The following GRID2 variants were observed in gnomAD, a reference collection of about 807,000 sequenced individuals.
The protein encoded by GRID2 is glutamate ionotropic receptor delta type subunit 2.
A neutral mutation model predicts 114.8 loss-of-function variants in GRID2; 33 were observed. The ratio of observed to expected loss-of-function variants is 0.29; its 90% CI spans 0.22 to 0.38. GRID2 has a LOEUF of 0.38. GRID2 is among the 10% of genes least tolerant of loss of function. The probability of loss-of-function intolerance (pLI) is 1.00; values close to 1 mark genes in which losing one functional copy is unlikely to be tolerated. For synonymous variants in GRID2, 505 were observed against 449.9 expected (o/e 1.12, Z -1.55); for missense variants, 1,184 against 1,257.7 (o/e 0.94, Z 0.89).
chr4:92,347,029 T>C (rs1240179465), intron 1 of GRID2, among the ~76,000 whole-genome samples: 4 of 152,206 alleles, frequency 2.6e-5, no homozygotes, highest in South Asian at 4.1e-4. Flanking sequence ...TTCCTGCTTA[T>C]ATGGGGAAAA....
At chr4:92,728,043 CAG>C (rs1333362121) in intron 2 of GRID2, among the ~76,000 whole-genome samples, 12 of 151,954 alleles carry the variant, frequency 7.9e-5, no homozygotes, top group African/African-American at 2.9e-4. Flanking sequence ...GATTAAGAGA[CAG>C]GGGAGGGAAT....
chr4:93,232,904 A>G (rs182491213), intron 7 of GRID2, among the ~76,000 whole-genome samples: 1 of 152,266 alleles, frequency 6.6e-6, no homozygotes, highest in East Asian at 1.9e-4. Flanking sequence ...GTACCATAAG[A>G]TCAGAGAATA....
At chr4:92,727,232 A>G (rs1214782143) in intron 2 of GRID2, among the ~76,000 whole-genome samples, 1 of 152,108 alleles carries the variant, frequency 6.6e-6, no homozygotes, top group Non-Finnish European at 1.5e-5. Context: ...TTCGTATACA[A>G]TAAAAAGACT....
intron 1 of GRID2, among the ~76,000 whole-genome samples, chr4:92,461,020 T>C (rs1469662700): frequency 6.6e-6 from 1 of 151,738 alleles, no homozygotes; most frequent in Non-Finnish European, 1.5e-5. Context: ...CACATATTTA[T>C]TTTTCCATAA....
chr4:92,516,925 A>G (rs1724529696), intron 1 of GRID2, among the ~76,000 whole-genome samples: 1 of 151,978 alleles, frequency 6.6e-6, no homozygotes, highest in South Asian at 2.1e-4. Context: ...ATTTATAAAA[A>G]TATAATCATA....
chr4:92,569,725 G>A (rs564920127), intron 1 of GRID2, among the ~76,000 whole-genome samples: 1 of 151,992 alleles, frequency 6.6e-6, no homozygotes, highest in South Asian at 2.1e-4. Flanking sequence ...TAATCAGTGG[G>A]GTTGATCTTT....
chr4:92,921,455 G>A (rs1467121052), intron 2 of GRID2, among the ~76,000 whole-genome samples: 1 of 151,560 alleles, frequency 6.6e-6, no homozygotes, highest in Non-Finnish European at 1.5e-5. Context: ...TTTTTCTGCT[G>A]TTTTTTCCTC....
At chr4:92,553,616 A>G (rs765316190) in intron 1 of GRID2, among the ~76,000 whole-genome samples, 2 of 152,042 alleles carry the variant, frequency 1.3e-5, no homozygotes, top group Non-Finnish European at 2.9e-5. Context: ...ATTATTAATG[A>G]CATACCTCCC....
chr4:93,322,424 A>G (rs916519132), intron 8 of GRID2, among the ~76,000 whole-genome samples: 36 of 151,952 alleles, frequency 2.4e-4, no homozygotes, highest in African/African-American at 8.0e-4. Context: ...TATGTGCCAC[A>G]TTTTCTTAAT....
intron 2 of GRID2, among the ~76,000 whole-genome samples, chr4:92,628,794 A>G (rs1730650625): frequency 6.6e-6 from 1 of 152,084 alleles, no homozygotes; most frequent in African/African-American, 2.4e-5. Flanking sequence ...TGTTCCTCCC[A>G]TTGAAGGCAT....
chr4:92,695,451 T>C (rs1734383333), intron 2 of GRID2, among the ~76,000 whole-genome samples: 1 of 152,072 alleles, frequency 6.6e-6, no homozygotes, highest in Non-Finnish European at 1.5e-5. Context: ...AGAATGAAAA[T>C]GAAAGAAATT....
chr4:93,225,881 C>T (rs781160170), intron 7 of GRID2, among the ~76,000 whole-genome samples: 3 of 152,118 alleles, frequency 2.0e-5, no homozygotes, highest in Non-Finnish European at 2.9e-5. Flanking sequence ...ATGGCACCCA[C>T]ATCTGGAGAG....
intron 2 of GRID2, among the ~76,000 whole-genome samples, chr4:92,924,140 A>C (rs527903540): frequency 3.3e-5 from 5 of 152,306 alleles, no homozygotes; most frequent in Admixed American, 2.6e-4. Flanking sequence ...TCAGCAAACT[A>C]TCACAAGGAC....
chr4:93,130,659 C>T (rs1012454046), intron 4 of GRID2, among the ~76,000 whole-genome samples: 1 of 152,088 alleles, frequency 6.6e-6, no homozygotes, highest in Admixed American at 6.5e-5. Context: ...AAATCTATCA[C>T]CAGTATTCCC....
intron 10 of GRID2, among the ~76,000 whole-genome samples, chr4:93,448,725 A>T (rs1482962802): frequency 6.6e-6 from 1 of 151,788 alleles, no homozygotes; most frequent in Non-Finnish European, 1.5e-5. Flanking sequence ...TAGTGGTAAT[A>T]AAAATACTAT....
At chr4:93,267,164 TTC>T (rs1389512224) in intron 8 of GRID2, among the ~76,000 whole-genome samples, 5 of 147,128 alleles carry the variant, frequency 3.4e-5, no homozygotes, top group Non-Finnish European at 7.4e-5. Flanking sequence ...GTACACACAT[TTC>T]TTTTTTTTTT....
intron 14 of GRID2, among the ~76,000 whole-genome samples, chr4:93,752,522 C>T (rs543968919): frequency 1.3e-5 from 2 of 152,278 alleles, no homozygotes; most frequent in South Asian, 4.2e-4. Flanking sequence ...AGGCACCTGC[C>T]ACCACGCCCG....
In GRID2 at chr4:93,408,357, C is replaced by T. The variant is rs191630704; in HGVS notation, c.1347+12649C>T. Among the ~76,000 whole-genome samples the T allele has an allele frequency of 7.9e-4, 111 of 141,264 alleles. No homozygotes were observed. In the Middle Eastern group the frequency reaches 0.011, roughly 14 times the overall value. The allele number at this position is 141,264 out of a possible 152,430, so 92.7% of individuals were successfully genotyped here. A position where few individuals can be genotyped will look rare whatever the true frequency, so the allele number is the denominator to read the frequency against. ...CTGAGAAATGCAAGAATAAATAGGA[C>T]TAATGCTCATTTTCTTTTTTTTTTT... On this transcript the variant is annotated intron_variant, in intron 9 of 15. Transcript: ENST00000282020.
intron 1 of GRID2, among the ~76,000 whole-genome samples, chr4:92,553,191 C>T (rs921092427): frequency 3.3e-5 from 5 of 152,136 alleles, no homozygotes; most frequent in African/African-American, 7.2e-5. Flanking sequence ...ATATCTAAGA[C>T]GGACCTAACT....
Sources: allele counts gnomAD v4.1 joint callset (sites outside exome capture counted in the v4.1 genomes callset), GRCh38; gene constraint gnomAD v4.1.1; transcripts MANE v1.5; gene names NCBI Gene and HGNC (gene_info 2026-07-23, HGNC 2026-07-21).